HPSE2: variants seen among roughly 807,000 people sequenced by gnomAD.
The protein encoded by HPSE2 is heparanase 2 (inactive).
In HPSE2, 38 loss-of-function variants were observed where a neutral mutation model predicts 60.5. That is an observed-to-expected ratio of 0.63 (90% CI 0.48 to 0.82). HPSE2 has a LOEUF of 0.82. HPSE2 is among the 40% of genes least tolerant of loss of function. The pLI is 0.00. For synonymous variants in HPSE2, 295 were observed against 293.2 expected (o/e 1.01, Z -0.06); for missense variants, 713 against 740.4 (o/e 0.96, Z 0.43).
chr10:98,700,335 C>T (rs71486173), intron 5 of HPSE2, among the ~76,000 whole-genome samples: 38,973 of 104,180 alleles, frequency 0.37, 8,669 homozygotes, highest in South Asian at 0.59. Context: ...TCAGAAATAA[C>T]GCCGCATATC....
chr10:98,910,041 C>T (rs1372648919), intron 3 of HPSE2, among the ~76,000 whole-genome samples: 1 of 152,058 alleles, frequency 6.6e-6, no homozygotes, highest in Non-Finnish European at 1.5e-5. Flanking sequence ...GACCATAATG[C>T]TATTATAAGA....
chr10:99,287,915 G>C, the HPSE2 span, among the ~76,000 whole-genome samples: 2 of 152,112 alleles, frequency 1.3e-5, no homozygotes, highest in Non-Finnish European at 2.9e-5. Flanking sequence ...AGTCAAAAAA[G>C]AAAGAAATGT....
chr10:99,025,522 A>T (rs1957358602), intron 3 of HPSE2, among the ~76,000 whole-genome samples: 1 of 152,148 alleles, frequency 6.6e-6, no homozygotes, highest in Non-Finnish European at 1.5e-5. Flanking sequence ...CACAGCCATA[A>T]AAAAAGAACA....
At chr10:99,046,365 C>T (rs956015973) in intron 3 of HPSE2, among the ~76,000 whole-genome samples, 2 of 152,068 alleles carry the variant, frequency 1.3e-5, no homozygotes, top group East Asian at 3.9e-4. Context: ...AAACCCTCAG[C>T]CAACATCATA....
At chr10:98,985,770 A>T (rs935104996) in intron 3 of HPSE2, among the ~76,000 whole-genome samples, 9 of 152,196 alleles carry the variant, frequency 5.9e-5, no homozygotes, top group African/African-American at 1.7e-4. Context: ...AGACACACAT[A>T]GGCACAAAAT....
At chr10:99,171,214 G>A (rs1847294663) in intron 2 of HPSE2, among the ~76,000 whole-genome samples, 2 of 152,160 alleles carry the variant, frequency 1.3e-5, no homozygotes, top group Admixed American at 1.3e-4. Flanking sequence ...ACTAGCCTAG[G>A]CCAAAACCAA....
chr10:98,516,689 C>T (rs995266318), intron 9 of HPSE2, among the ~76,000 whole-genome samples: 17 of 152,134 alleles, frequency 1.1e-4, no homozygotes, highest in African/African-American at 3.6e-4. Flanking sequence ...GAGGTAAAAG[C>T]GCTTCTCTCT....
At chr10:98,631,858 C>CTTCA (rs1411646391) in intron 7 of HPSE2, among the ~76,000 whole-genome samples, 1 of 152,172 alleles carries the variant, frequency 6.6e-6, no homozygotes, top group African/African-American at 2.4e-5. Flanking sequence ...TGATACTCAA[C>CTTCA]TTCATTCATT....
At chr10:99,156,522 C>A (rs936391673) in intron 2 of HPSE2, among the ~76,000 whole-genome samples, 1 of 131,052 alleles carries the variant, frequency 7.6e-6, no homozygotes, top group Non-Finnish European at 1.7e-5. Flanking sequence ...TCAATAGATG[C>A]AGAAAAAGCC....
chr10:98,908,703 A>T (rs1273986386), intron 3 of HPSE2, among the ~76,000 whole-genome samples: 1 of 150,278 alleles, frequency 6.7e-6, no homozygotes, highest in African/African-American at 2.4e-5. Flanking sequence ...AAAAAAAAAA[A>T]AAAAAAGATG....
intron 5 of HPSE2, among the ~76,000 whole-genome samples, chr10:98,706,803 T>C (rs1354670643): frequency 1.3e-5 from 2 of 152,164 alleles, no homozygotes; most frequent in East Asian, 3.9e-4. Context: ...GTCAGATCAC[T>C]AGGAGCTACC....
chr10:99,255,589 C>T, the HPSE2 span, among the ~76,000 whole-genome samples: 1 of 138,832 alleles, frequency 7.2e-6, no homozygotes, highest in Admixed American at 6.9e-5. Context: ...CACACACACA[C>T]ACACACGACT....
the HPSE2 span, among the ~76,000 whole-genome samples, chr10:99,305,973 G>GCACACACACACACACACACACACACA: frequency 1.6e-4 from 7 of 44,042 alleles, no homozygotes; most frequent in African/African-American, 5.5e-4. Context: ...GCGCGCGCGC[G>GCACACACACACACACACACACACACA]CGCGCGCACA....
intron 5 of HPSE2, among the ~76,000 whole-genome samples, chr10:98,715,179 C>G (rs1003937780): frequency 6.6e-6 from 1 of 151,842 alleles, no homozygotes. Context: ...CACAAAAGTT[C>G]TTAGTTTTGG....
the HPSE2 span, among the ~76,000 whole-genome samples, chr10:99,279,075 G>T: frequency 1.3e-5 from 2 of 148,420 alleles, no homozygotes; most frequent in African/African-American, 5.0e-5. Flanking sequence ...AGCTCATATG[G>T]ATTCCCTGGA....
chr10:98,889,685 T>C (rs191507240), intron 3 of HPSE2, among the ~76,000 whole-genome samples: 29 of 152,306 alleles, frequency 1.9e-4, no homozygotes, highest in Admixed American at 9.2e-4. Context: ...TGGGTTGATA[T>C]TGGAAAAATT....
At chr10:98,826,574 G>T (rs931454490) in intron 3 of HPSE2, among the ~76,000 whole-genome samples, 8 of 152,116 alleles carry the variant, frequency 5.3e-5, no homozygotes, top group African/African-American at 1.9e-4. Context: ...CTAGGACCAG[G>T]CTTCTTACAA....
At chr10:98,759,836 T>C (rs1393718201) in intron 3 of HPSE2, among the ~76,000 whole-genome samples, 1 of 152,128 alleles carries the variant, frequency 6.6e-6, no homozygotes, top group Non-Finnish European at 1.5e-5. Context: ...AAAAATGCCA[T>C]TGGAATTTTG....
Position 98,540,953 on chromosome 10 carries a change from C to T in HPSE2, c.1321-50757G>A, listed in dbSNP as rs77354587. Among the ~76,000 whole-genome samples, 1,261 of 152,146 alleles carry T rather than the reference C, an allele frequency of 8.3e-3. 14 individuals are homozygous for T. The highest frequency in any genetic ancestry group is 0.029 in the African/African-American group (1,197 of 41,500). ...AAATAAAAAAGGAAAAGCAAGAACA[C>T]GGTGAGGAAGAGAAATAGCTTTTCT... is the stretch of plus-strand genomic sequence containing the variant. On this transcript the variant is annotated intron_variant, in intron 9 of 11. Transcript: ENST00000370552.
Sources: gnomAD v4.1 joint callset for allele counts (sites outside exome capture counted in the v4.1 genomes callset) on GRCh38, gnomAD v4.1.1 for gene constraint, MANE v1.5 for transcripts, NCBI Gene and HGNC (gene_info 2026-07-23, HGNC 2026-07-21) for gene names.